SYNE1: variants seen among roughly 807,000 people sequenced by gnomAD.
SYNE1 encodes nesprin-1.
In SYNE1, 616 loss-of-function variants were observed where a neutral mutation model predicts 1,111.0. That is an observed-to-expected ratio of 0.55 (90% CI 0.52 to 0.59). SYNE1 has a LOEUF of 0.59. Ranked by LOEUF, SYNE1 falls within the 20% of genes least tolerant of loss-of-function variation. SYNE1 has a pLI of 0.00. For synonymous variants in SYNE1, 3,855 were observed against 3,825.8 expected (o/e 1.01, Z -0.28); for missense variants, 10,006 against 10,417.0 (o/e 0.96, Z 1.72).
intron 51 of SYNE1, among the ~76,000 whole-genome samples, chr6:152,394,660 G>A (rs2097702416): frequency 6.6e-6 from 1 of 152,058 alleles, no homozygotes; most frequent in Admixed American, 6.6e-5. Context: ...AAGAAAGTCA[G>A]ACTTGACCAT....
At position 152,259,632 on chromosome 6, in the gene SYNE1, C is replaced by T. The variant is rs141126247; in HGVS notation, c.18972+2400G>A. 1.0e-3 allele frequency among the ~76,000 whole-genome samples: 155 copies of T among 152,246 alleles called. 1 individual carries two copies. Among genetic ancestry groups the T allele is most frequent in the African/African-American group, 3.6e-3 (149 of 41,536 alleles). On this transcript the variant is annotated intron_variant, in intron 101 of 145. Transcript: ENST00000367255. ...CCTCTCTAAGCCTCAGTTTCCAGGT[C>T]TACAAAGTAGAGATAATATTGACCT...
At chr6:152,472,452 A>G (rs1334660278) in intron 14 of SYNE1, 39 bp from the exon 15 acceptor site, 22 of 1,572,912 alleles carry the variant, frequency 1.4e-5, no homozygotes, top group Non-Finnish European at 1.9e-5. Flanking sequence ...AATGAAAAAC[A>G]TGTTTCACAG....
At chr6:152,139,816 C>A in intron 140 of SYNE1, 134 bp downstream of exon 140, 2 of 853,244 alleles carry the variant, frequency 2.3e-6, no homozygotes, top group Non-Finnish European at 3.9e-6. Context: ...GTGAGGAGAG[C>A]ATTCTCACTC....
intron 59 of SYNE1, 77 bp downstream of exon 59, chr6:152,372,959 AC>A: frequency 6.6e-7 from 1 of 1,514,392 alleles, no homozygotes; most frequent in Non-Finnish European, 9.2e-7. Flanking sequence ...GCTTTGATAT[AC>A]AGAAACTGTG....
intron 112 of SYNE1, among the ~76,000 whole-genome samples, chr6:152,232,806 C>T (rs1216728845): frequency 6.6e-6 from 1 of 152,168 alleles, no homozygotes; most frequent in African/African-American, 2.4e-5. Context: ...ACATATCACA[C>T]ATTTATGCAT....
rs80265744 is a variant in SYNE1, at chr6:152,293,733, C to T, written c.17867G>A (p.Arg5956His). ...GCGTTCCAAAGCTTCATAGAGTGTG[C>T]GCTGCTTCTCACTGATCTACACCAG... ...TLKNVISEKQ[R>H]TLYEALERQQ... The change falls in exon 95 of 146, where the codon CGC (arginine) becomes CAC (histidine). Residue 5956 changes from arginine (R) to histidine (H), a missense_variant. Arg to His is a conservative substitution (Grantham distance 29, BLOSUM62 0). Coordinates refer to ENST00000367255, the MANE Select transcript of SYNE1 (RefSeq NM_182961.4). The T allele has an allele frequency of 1.8e-4, 289 of 1,590,538 alleles. 1 individual carries two copies. In the East Asian group the frequency reaches 4.5e-3, roughly 25 times the overall value.
Position 152,149,625 on chromosome 6 carries a change from T to G in SYNE1, c.24494A>C (p.Gln8165Pro). The G allele has an allele frequency of 6.2e-7, 1 of 1,614,202 alleles. No individual in the cohort carries two copies. The highest frequency in any genetic ancestry group is 1.1e-5 in the South Asian group (1 of 91,086). ...CAGCTGTTCTCCTTGGGCAATTATCTGCTCAATCTTATTGTGGTTCAGTGA... is the reference window on the plus strand; with the variant it reads ...CAGCTGTTCTCCTTGGGCAATTATCGGCTCAATCTTATTGTGGTTCAGTGA... ...EISLNHNKIE[Q>P]IIAQGEQLIE... The change falls in exon 136 of 146, where the codon CAG becomes CCG. Residue 8165 changes from glutamine (Q) to proline (P), a missense_variant. Transcript: ENST00000367255.
At chr6:152,238,400 A>C (rs1358291891) in intron 108 of SYNE1, among the ~76,000 whole-genome samples, 1 of 152,214 alleles carries the variant, frequency 6.6e-6, no homozygotes, top group Non-Finnish European at 1.5e-5. Context: ...AGATGGATTC[A>C]TGTAAATGTA....
intron 96 of SYNE1, 54 bp from the exon 97 acceptor site, chr6:152,282,034 A>C (rs2153725259): frequency 1.3e-6 from 2 of 1,572,864 alleles, no homozygotes; most frequent in African/African-American, 2.7e-5. Flanking sequence ...AATCTTGAGA[A>C]TTTAACACAG....
At chr6:152,562,906 A>AT (rs1348314386) in intron 3 of SYNE1, among the ~76,000 whole-genome samples, 3 of 152,206 alleles carry the variant, frequency 2.0e-5, no homozygotes. Flanking sequence ...GTAAATCAGT[A>AT]TTATTCATTT....
rs531503159 is a variant in SYNE1 at position 152,358,507 on chromosome 6, G to A, written c.10474C>T (p.Arg3492Cys). The change falls in exon 66 of 146, where the codon CGC becomes TGC. Residue 3492 changes from arginine to cysteine, a missense_variant. Coordinates refer to ENST00000367255, the MANE Select transcript of SYNE1 (RefSeq NM_182961.4). The stretch of plus-strand genomic sequence containing the variant: ...TCTCTCTGATACTCTTGGTGCAGGC[G>A]GACAAGTTTTTCAGACTTGGTTACG... ...EAVTKSEKLV[R>C]LHQEYQRDLK... The A allele has an allele frequency of 5.3e-5, 86 of 1,614,040 alleles. No individual in the cohort carries two copies. Among genetic ancestry groups the A allele is most frequent in the Non-Finnish European group, 6.6e-5 (78 of 1,180,000 alleles).
intron 121 of SYNE1, among the ~76,000 whole-genome samples, chr6:152,216,386 G>A (rs2078669789): frequency 6.6e-6 from 1 of 152,182 alleles, no homozygotes; most frequent in Non-Finnish European, 1.5e-5. Context: ...AAACAATAGT[G>A]TGCTATGAAA....
At chr6:152,187,886 C>T (rs755355748) in intron 128 of SYNE1, among the ~76,000 whole-genome samples, 18 of 152,028 alleles carry the variant, frequency 1.2e-4, no homozygotes, top group South Asian at 2.1e-4. Context: ...CCACCATCCG[C>T]GGCTAATTTT....
chr6:152,579,774 C>T (rs1337396227), intron 3 of SYNE1, among the ~76,000 whole-genome samples: 2 of 152,100 alleles, frequency 1.3e-5, no homozygotes, highest in South Asian at 4.1e-4. Flanking sequence ...ACATGTGGTA[C>T]TTGGTTTTCT....
At chr6:152,484,038 C>CAAAAA (rs773019397) in intron 13 of SYNE1, among the ~76,000 whole-genome samples, 4 of 53,488 alleles carry the variant, frequency 7.5e-5, no homozygotes, top group African/African-American at 1.7e-4. Context: ...CTCATCTCTA[C>CAAAAA]AAAAAAAAAA....
At chr6:152,510,558 T>C (rs150828607) in intron 7 of SYNE1, among the ~76,000 whole-genome samples, 187 bp from the exon 8 acceptor site, 55 of 152,336 alleles carry the variant, frequency 3.6e-4, no homozygotes, top group African/African-American at 1.3e-3. Flanking sequence ...ACCCCTAGTG[T>C]ATCTTACATA....
intron 2 of SYNE1, among the ~76,000 whole-genome samples, chr6:152,632,633 T>A (rs528236229): frequency 3.3e-5 from 5 of 152,180 alleles, no homozygotes; most frequent in African/African-American, 1.2e-4. Flanking sequence ...TGCACAGACT[T>A]TGATCTAAGA....
intron 106 of SYNE1, 144 bp downstream of exon 106, chr6:152,244,393 A>C: frequency 8.2e-7 from 1 of 1,224,074 alleles, no homozygotes; most frequent in Non-Finnish European, 1.2e-6. Flanking sequence ...GCTTCAGAAA[A>C]TTTTCTAAGA....
intron 46 of SYNE1, among the ~76,000 whole-genome samples, chr6:152,403,420 T>G (rs941797209): frequency 1.3e-5 from 2 of 152,126 alleles, no homozygotes; most frequent in Non-Finnish European, 2.9e-5. Context: ...AACATCAACA[T>G]TCATAAGAAG....
Sources: gnomAD v4.1 joint callset for allele counts (sites outside exome capture counted in the v4.1 genomes callset) on GRCh38, gnomAD v4.1.1 for gene constraint, MANE v1.5 for transcripts, NCBI Gene and HGNC (gene_info 2026-07-23, HGNC 2026-07-21) for gene names.